The following NLRP5 variants were observed in gnomAD, a reference collection of about 807,000 sequenced individuals.
The protein encoded by NLRP5 is NACHT, LRR and PYD domains-containing protein 5.
NLRP5 carries 93 observed loss-of-function variants against 113.1 expected under a neutral mutation model. The observed-to-expected ratio is 0.82, with a 90% CI of 0.70 to 0.98. The LOEUF (loss-of-function observed/expected upper bound fraction) is 0.98, where lower values mean the gene tolerates loss of function less well. Ranked by LOEUF, NLRP5 falls within the 50% of genes least tolerant of loss-of-function variation. NLRP5 has a pLI of 0.00. For missense variants in NLRP5, 1,808 were observed against 1,514.3 expected (o/e 1.19, Z -3.22); for synonymous variants, 751 against 600.7 (o/e 1.25, Z -3.66).
intron 1 of NLRP5, among the ~76,000 whole-genome samples, chr19:56,001,151 T>A (rs905502058): frequency 8.1e-6 from 1 of 123,790 alleles, no homozygotes; most frequent in African/African-American, 3.1e-5. Context: ...AGTGACACCT[T>A]GTCTCTACTT....
At position 56,027,171 on chromosome 19, in the gene NLRP5, T is replaced by A. The variant is rs1394194432; in HGVS notation, c.938T>A (p.Phe313Tyr). The change falls in exon 7 of 15, where the codon TTC becomes TAC. Residue 313 changes from phenylalanine (F) to tyrosine (Y), a missense_variant. Transcript: ENST00000390649. ...CAAGGTGGACTCTACCAGGGAATGT[T>A]CTCCTACGTCTTCTTCCTCCCCGTT... 1 of 1,606,398 alleles carries A rather than the reference T, an allele frequency of 6.2e-7. No individual in the cohort carries two copies. Among genetic ancestry groups the A allele is most frequent in the African/African-American group, 1.3e-5 (1 of 74,778 alleles).
intron 6 of NLRP5, among the ~76,000 whole-genome samples, chr19:56,022,017 T>A (rs1356473030): frequency 6.6e-6 from 1 of 152,204 alleles, no homozygotes; most frequent in East Asian, 1.9e-4. Context: ...GTAATGTTGA[T>A]CCTGTGTGAG....
intron 12 of NLRP5, 90 bp downstream of exon 12, chr19:56,050,678 C>G: frequency 7.9e-7 from 1 of 1,265,216 alleles, no homozygotes; most frequent in Non-Finnish European, 1.1e-6. Context: ...GAGACCGGAA[C>G]CAAAAACTGC....
At chr19:56,010,125 T>A (rs1982124420) in intron 3 of NLRP5, among the ~76,000 whole-genome samples, 1 of 152,194 alleles carries the variant, frequency 6.6e-6, no homozygotes, top group Non-Finnish European at 1.5e-5. Flanking sequence ...AGGAGATCCC[T>A]CTGAGCTGCT....
At chr19:56,002,106 T>G (rs907234979) in intron 1 of NLRP5, among the ~76,000 whole-genome samples, 1 of 152,206 alleles carries the variant, frequency 6.6e-6, no homozygotes, top group Non-Finnish European at 1.5e-5. Flanking sequence ...GTCCTGGACG[T>G]GCACCTATAA....
intron 14 of NLRP5, among the ~76,000 whole-genome samples, chr19:56,059,390 CAT>C (rs1171808598): frequency 6.6e-6 from 1 of 152,178 alleles, no homozygotes; most frequent in Non-Finnish European, 1.5e-5. Flanking sequence ...TTTAGGAGCT[CAT>C]ATCCGTAGAC....
intron 3 of NLRP5, among the ~76,000 whole-genome samples, chr19:56,010,029 A>G (rs1982120867): frequency 6.6e-6 from 1 of 152,218 alleles, no homozygotes; most frequent in African/African-American, 2.4e-5. Context: ...GGTGGCTTAG[A>G]GCGTAAAATA....
At chr19:55,999,806 T>C in intron 1 of NLRP5, 3 of 1,601,148 alleles carry the variant, frequency 1.9e-6, no homozygotes, top group Non-Finnish European at 2.6e-6. Flanking sequence ...CCTCTTAGAG[T>C]TACCTATGAG....
the NLRP5 span, chr19:55,987,686 T>A: frequency 2.2e-5 from 15 of 669,316 alleles, no homozygotes; most frequent in Non-Finnish European, 2.4e-5. Context: ...TCAGGACACC[T>A]GGGTAGAAAG....
rs1983574401 is a variant in NLRP5 at position 56,042,928 on chromosome 19, T to G, written c.2957+1836T>G. ...CCAGGTCACTGCAAATGCTGTTAAT[T>G]CATTCCTTTTTATGGCTGCATAGTA... is the stretch of plus-strand genomic sequence containing the variant. On this transcript the variant is annotated intron_variant, in intron 11 of 14. Coordinates refer to ENST00000390649, the MANE Select transcript of NLRP5 (RefSeq NM_153447.4). 2.6e-5 allele frequency among the ~76,000 whole-genome samples: 4 copies of G among 151,044 alleles called. No homozygotes were observed. In the South Asian group the frequency reaches 8.4e-4, roughly 32 times the overall value.
At chr19:56,016,931 C>A (rs1029276265) in intron 4 of NLRP5, among the ~76,000 whole-genome samples, 25 of 152,198 alleles carry the variant, frequency 1.6e-4, no homozygotes, top group African/African-American at 6.0e-4. Flanking sequence ...GCCTCAGCCT[C>A]CCAAGTAGCT....
chr19:56,029,024 C>A (rs371091301), intron 7 of NLRP5, among the ~76,000 whole-genome samples: 38 of 152,218 alleles, frequency 2.5e-4, no homozygotes, highest in Middle Eastern at 6.8e-3. Flanking sequence ...CTCAGCCTCC[C>A]AAAGTGCTGG....
At chr19:56,044,065 G>T (rs1854883097) in intron 11 of NLRP5, among the ~76,000 whole-genome samples, 1 of 129,618 alleles carries the variant, frequency 7.7e-6, no homozygotes, top group African/African-American at 3.4e-5. Flanking sequence ...TAAGTCTTAG[G>T]TCTTTTTTTT....
chr19:55,987,692 G>A, the NLRP5 span: 1 of 688,766 alleles, frequency 1.5e-6, no homozygotes, highest in African/African-American at 1.8e-5. Flanking sequence ...CACCTGGGTA[G>A]AAAGGTGAGG....
chr19:55,990,206 A>G, the NLRP5 span, among the ~76,000 whole-genome samples: 2 of 146,658 alleles, frequency 1.4e-5, no homozygotes, highest in Non-Finnish European at 3.0e-5. Flanking sequence ...CTCCTGCCTC[A>G]GCCTCCCGAG....
intron 13 of NLRP5, among the ~76,000 whole-genome samples, chr19:56,054,579 A>C (rs1349075163): frequency 9.9e-5 from 15 of 152,096 alleles, no homozygotes; most frequent in Non-Finnish European, 2.1e-4. Context: ...AAAAAAAAAA[A>C]AAAAACGTGC....
At chr19:56,032,516 C>T (rs1983158195) in intron 7 of NLRP5, 95 bp from the exon 8 acceptor site, 1 of 1,184,870 alleles carries the variant, frequency 8.4e-7, no homozygotes, top group African/African-American at 1.5e-5. Flanking sequence ...GTGGTCTCAC[C>T]TCGAGAGCTC....
chr19:56,033,127 T>G (rs1345743709), intron 8 of NLRP5, among the ~76,000 whole-genome samples: 1 of 152,094 alleles, frequency 6.6e-6, no homozygotes, highest in Non-Finnish European at 1.5e-5. Flanking sequence ...GGTACGTGCC[T>G]GTAATCCCAG....
chr19:56,014,938 G>A (rs12151117), intron 3 of NLRP5, among the ~76,000 whole-genome samples: 16,541 of 151,974 alleles, frequency 0.11, 1,163 homozygotes, highest in African/African-American at 0.18. Context: ...ATTTCTGCAA[G>A]CAAAAAAAGG....
Sources: gnomAD v4.1 joint callset for allele counts (sites outside exome capture counted in the v4.1 genomes callset) on GRCh38, gnomAD v4.1.1 for gene constraint, MANE v1.5 for transcripts, NCBI Gene and HGNC (gene_info 2026-07-23, HGNC 2026-07-21) for gene names.